TTI1: variants seen among roughly 807,000 people sequenced by gnomAD.
The protein encoded by TTI1 is TELO2 interacting protein 1.
A neutral mutation model predicts 85.4 loss-of-function variants in TTI1; 52 were observed. That is an observed-to-expected ratio of 0.61 (90% CI 0.49 to 0.77). The LOEUF (loss-of-function observed/expected upper bound fraction) is 0.77. Among genes scored for constraint, TTI1 ranks in the 30% least tolerant of loss-of-function variants. The pLI is 0.00. For missense variants in TTI1, 1,173 were observed against 1,296.0 expected (o/e 0.91, Z 1.46); for synonymous variants, 512 against 503.9 (o/e 1.02, Z -0.22).
At chr20:38,015,590 G>A (rs968375613) in intron 1 of TTI1, among the ~76,000 whole-genome samples, 13 of 152,092 alleles carry the variant, frequency 8.5e-5, no homozygotes, top group Admixed American at 7.9e-4. Flanking sequence ...ACTCCTTGAG[G>A]TGGTGAATCT....
chr20:37,999,807 C>T (rs976561421), intron 4 of TTI1, among the ~76,000 whole-genome samples: 3 of 152,096 alleles, frequency 2.0e-5, no homozygotes, highest in Non-Finnish European at 2.9e-5. Flanking sequence ...AGAAGGGCAG[C>T]GTGGAGCATT....
intron 7 of TTI1, among the ~76,000 whole-genome samples, chr20:37,990,971 G>A (rs2073256374): frequency 6.6e-6 from 1 of 152,184 alleles, no homozygotes; most frequent in African/African-American, 2.4e-5. Context: ...AGAGGTCCCT[G>A]CCTTCAGTTC....
At chr20:38,021,604 A>G (rs981342707) in intron 1 of TTI1, among the ~76,000 whole-genome samples, 1 of 152,238 alleles carries the variant, frequency 6.6e-6, no homozygotes, top group Non-Finnish European at 1.5e-5. Context: ...CATAAGCATG[A>G]GCAAACAGTT....
chr20:38,009,045 C>T (rs1020242731), intron 2 of TTI1, among the ~76,000 whole-genome samples: 3 of 152,000 alleles, frequency 2.0e-5, no homozygotes, highest in South Asian at 2.1e-4. Flanking sequence ...CAGAGATGAC[C>T]GAAGACATCA....
chr20:37,996,313 T>G, intron 7 of TTI1, 62 bp downstream of exon 7: 1 of 1,572,148 alleles, frequency 6.4e-7, no homozygotes, highest in Non-Finnish European at 8.7e-7. Flanking sequence ...CTGCTTGCCA[T>G]TAGCAAATCA....
At chr20:38,003,984 G>T (rs909058855) in intron 3 of TTI1, among the ~76,000 whole-genome samples, 1 of 152,166 alleles carries the variant, frequency 6.6e-6, no homozygotes, top group East Asian at 1.9e-4. Context: ...GGGCAGCTTG[G>T]TGTAGTTCAT....
rs577407644 is a variant in TTI1, at chr20:38,024,671, C to T, written c.-42+8733G>A. Among the ~76,000 whole-genome samples the T allele has an allele frequency of 7.9e-5, 12 of 152,260 alleles. No individual in the cohort carries two copies. The South Asian group carries it at 2.5e-3, about 32-fold the overall frequency. On this transcript the variant is annotated intron_variant, in intron 1 of 7. Transcript: ENST00000373447. ...CAGCCAAACACTACAGAAAATAAGG[C>T]GGCCTCCACCCACGGTGGCAAAGGC...
At chr20:37,998,796 G>A (rs796448744) in intron 5 of TTI1, among the ~76,000 whole-genome samples, 2 of 152,286 alleles carry the variant, frequency 1.3e-5, no homozygotes, top group African/African-American at 2.4e-5. Context: ...CTCCTGTGCA[G>A]TGCAAATATG....
At position 38,006,198 on chromosome 20, in the gene TTI1, T is replaced by C; in HGVS notation, c.2502A>G (p.Glu834=). Residue 834 remains glutamate, a splice_region_variant and synonymous_variant, in exon 3 of 8, where the codon GAA becomes GAG. Transcript: ENST00000373447. ...GCTAAGCCAAAATAAACAAGTTACC[T>C]TCTTCATTATCAAAATCCGAGACAT... ...DGNVSDFDNE[E]EEQSVPPKVD... 2 of 1,614,158 alleles carry C rather than the reference T, an allele frequency of 1.2e-6. No homozygotes were observed. The highest frequency in any genetic ancestry group is 1.7e-6 in the Non-Finnish European group (2 of 1,180,016).
At position 37,996,885 on chromosome 20, in the gene TTI1, T is replaced by G. The variant is rs1190403455; in HGVS notation, c.2862A>C (p.Pro954=). Residue 954 remains proline, a synonymous_variant, in exon 6 of 8, where the codon CCA becomes CCC. Coordinates refer to ENST00000373447, the MANE Select transcript of TTI1 (RefSeq NM_001303457.2). ...LRSRFCKDVL[P]KLAGSLVTQA... ...GGGTGACTAGGGAGCCAGCCAGCTT[T>G]GGCAGGACATCTTTGCAGAACCGGC... 1 of 1,614,176 alleles carries G rather than the reference T, an allele frequency of 6.2e-7. No homozygotes were observed. The highest frequency in any genetic ancestry group is 1.3e-5 in the African/African-American group (1 of 75,046).
chr20:38,023,720 G>A (rs1029764188), intron 1 of TTI1, among the ~76,000 whole-genome samples: 2 of 152,220 alleles, frequency 1.3e-5, no homozygotes, highest in African/African-American at 4.8e-5. Flanking sequence ...ATAAGTAAAA[G>A]AAGCTGGATA....
chr20:37,995,443 G>A (rs866461562), intron 7 of TTI1, among the ~76,000 whole-genome samples: 1 of 152,380 alleles, frequency 6.6e-6, no homozygotes, highest in South Asian at 2.1e-4. Flanking sequence ...GAGGATCAGA[G>A]ATGTGCCTCT....
intron 1 of TTI1, among the ~76,000 whole-genome samples, chr20:38,016,596 T>C (rs559740612): frequency 1.3e-5 from 2 of 152,326 alleles, no homozygotes; most frequent in South Asian, 4.1e-4. Context: ...AGAATCTCTG[T>C]TTTCTTTCAC....
chr20:37,996,162 G>T (rs570906211), intron 7 of TTI1, among the ~76,000 whole-genome samples: 5 of 152,298 alleles, frequency 3.3e-5, no homozygotes, highest in African/African-American at 1.2e-4. Context: ...CTCTGGAATT[G>T]TTGCTGACTT....
At chr20:38,011,437 C>CA (rs1450050543) in intron 2 of TTI1, 78 bp downstream of exon 2, 4 of 1,509,634 alleles carry the variant, frequency 2.6e-6, no homozygotes, top group East Asian at 2.3e-5. Flanking sequence ...ACAAACAATG[C>CA]AAAAAACGAG....
chr20:37,993,872 T>G (rs992100759), intron 7 of TTI1, among the ~76,000 whole-genome samples: 3 of 152,126 alleles, frequency 2.0e-5, no homozygotes, highest in African/African-American at 7.2e-5. Flanking sequence ...CTGACTGCAG[T>G]ATGGAGAATA....
At chr20:37,991,498 T>C (rs2073264049) in intron 7 of TTI1, among the ~76,000 whole-genome samples, 1 of 152,220 alleles carries the variant, frequency 6.6e-6, no homozygotes, top group Admixed American at 6.5e-5. Context: ...TTTGATGGGA[T>C]GGGATCCTAC....
chr20:38,031,052 C>T (rs1600663434), intron 1 of TTI1, among the ~76,000 whole-genome samples: 1 of 152,178 alleles, frequency 6.6e-6, no homozygotes, highest in East Asian at 1.9e-4. Flanking sequence ...TAAAATATCC[C>T]CAGAACTGTC....
chr20:38,020,324 AT>A (rs1421946260), intron 1 of TTI1, among the ~76,000 whole-genome samples: 6,338 of 45,368 alleles, frequency 0.14, 358 homozygotes, highest in African/African-American at 0.24. Context: ...AAAAAAAAAA[AT>A]ATATATATAT....
Sources: gnomAD v4.1 joint callset for allele counts (sites outside exome capture counted in the v4.1 genomes callset) on GRCh38, gnomAD v4.1.1 for gene constraint, MANE v1.5 for transcripts, NCBI Gene and HGNC (gene_info 2026-07-23, HGNC 2026-07-21) for gene names.